Variants in C11orf65 observed in about 807,000 individuals in gnomAD.
C11orf65 encodes protein MFI.
C11orf65 carries 38 observed loss-of-function variants against 35.3 expected under a neutral mutation model. The ratio of observed to expected loss-of-function variants is 1.08; its 90% CI spans 0.83 to 1.41. The LOEUF (loss-of-function observed/expected upper bound fraction) is 1.41. Ranked by LOEUF, C11orf65 falls within the 40% of genes most tolerant of loss-of-function variation. C11orf65 has a pLI of 0.00. For missense variants in C11orf65, 370 were observed against 367.1 expected, an observed-to-expected ratio of 1.01 and a Z score of -0.06; for synonymous variants, 105 against 114.4, an observed-to-expected ratio of 0.92 and a Z score of 0.53.
chr11:108,425,194 T>C (rs2092882549), intron 3 of C11orf65, among the ~76,000 whole-genome samples: 2 of 151,926 alleles, frequency 1.3e-5, no homozygotes, highest in Non-Finnish European at 2.9e-5. Flanking sequence ...CAAAAAAACC[T>C]GCAAAAAATC....
chr11:108,423,326 C>G (rs909773137), intron 3 of C11orf65, among the ~76,000 whole-genome samples: 3 of 152,198 alleles, frequency 2.0e-5, no homozygotes, highest in Non-Finnish European at 4.4e-5. Flanking sequence ...AAGCTAAGAT[C>G]CACTGGCTTG....
chr11:108,365,619 T>C, intron 2 of C11orf65: 1 of 1,347,850 alleles, frequency 7.4e-7, no homozygotes, highest in South Asian at 1.4e-5. Context: ...AGTGAACTAT[T>C]GTGGGTTTTT....
intron 6 of C11orf65, among the ~76,000 whole-genome samples, chr11:108,397,863 G>C (rs926590152): frequency 1.3e-5 from 2 of 152,196 alleles, no homozygotes; most frequent in African/African-American, 4.8e-5. Flanking sequence ...ATAGAACAGA[G>C]TCTCTGCTCT....
chr11:108,382,760 C>A lies in C11orf65; in HGVS notation c.*261G>T. ...AATAATCAGTCTGAAGCTTCTTGCA[C>A]CTAAATGTAGTCTCTTTACTTAAGT... On this transcript the variant is annotated 3_prime_UTR_variant, in exon 9 of 9. Coordinates refer to ENST00000393084, the MANE Select transcript of C11orf65 (RefSeq NM_152587.5). The A allele has an allele frequency of 1.0e-6, 1 of 983,424 alleles. No homozygotes were observed. 60.9% of individuals were successfully genotyped at this position (983,424 alleles called of 1,614,324 possible).
intron 2 of C11orf65, among the ~76,000 whole-genome samples, chr11:108,438,734 A>G (rs2093105325): frequency 6.6e-6 from 1 of 151,960 alleles, no homozygotes; most frequent in Admixed American, 6.6e-5. Context: ...GACTGGGTGC[A>G]GTGGCTCACG....
chr11:108,368,991 A>G, intron 2 of C11orf65: 1 of 184,760 alleles, frequency 5.4e-6, no homozygotes, highest in Non-Finnish European at 1.1e-5. Flanking sequence ...TTTTAATTGC[A>G]CCTTAATGAA....
chr11:108,434,866 C>T (rs1025770928), intron 2 of C11orf65, among the ~76,000 whole-genome samples: 3 of 152,164 alleles, frequency 2.0e-5, no homozygotes, highest in Non-Finnish European at 2.9e-5. Context: ...TGGTTCACAA[C>T]AAGTGTAGCA....
chr11:108,466,660 G>A (rs1239142440), intron 1 of C11orf65, among the ~76,000 whole-genome samples: 1 of 152,176 alleles, frequency 6.6e-6, no homozygotes, highest in African/African-American at 2.4e-5. Context: ...ACACCCATGT[G>A]CCACTTGTAG....
At chr11:108,443,376 G>A (rs1327905787) in intron 2 of C11orf65, among the ~76,000 whole-genome samples, 1 of 152,078 alleles carries the variant, frequency 6.6e-6, no homozygotes, top group Non-Finnish European at 1.5e-5. Flanking sequence ...AATAATAATA[G>A]GAGACTTTAA....
rs141397516 is a variant in C11orf65 at position 108,374,091 on chromosome 11, C to G, written c.226+19117G>C. On this transcript the variant is annotated intron_variant, in intron 2 of 3. Transcript: ENST00000524755. The stretch of plus-strand genomic sequence containing the variant: ...CCTGCCTCTGTAGGCTCAGAAACCT[C>G]TGCAGACTTAAATGTCCCTGTCTGA... 7.6e-3 allele frequency among the ~76,000 whole-genome samples: 1,156 copies of G among 152,248 alleles called. 11 individuals carry two copies. The highest frequency in any genetic ancestry group is 0.025 in the African/African-American group (1,027 of 41,584).
At chr11:108,324,628 A>C (rs968045185) in intron 6 of C11orf65, among the ~76,000 whole-genome samples, 2 of 152,148 alleles carry the variant, frequency 1.3e-5, no homozygotes, top group Non-Finnish European at 2.9e-5. Context: ...CAAGCAACTA[A>C]AAGAGCTTTC....
chr11:108,332,892 C>T lies in C11orf65; in HGVS notation c.300-1325G>A, dbSNP rs4988125. On this transcript the variant is annotated intron_variant, in intron 3 of 3. Transcript: ENST00000524755. ...AACTTAGATGCCACTCAGTGGAAGA[C>T]TCAGAGAAGTATGTTTTTTTTAAAG... 2.3e-4 allele frequency: 369 copies of T among 1,612,228 alleles called. No homozygotes were observed. Among genetic ancestry groups the T allele is most frequent in the Non-Finnish European group, 3.1e-4 (361 of 1,179,650 alleles).
intron 6 of C11orf65, chr11:108,317,615 TTATATATATATATATATATATATA>T (rs376158749): frequency 1.5e-4 from 33 of 215,236 alleles, no homozygotes; most frequent in Non-Finnish European, 2.1e-4. Flanking sequence ...AGGAGTTGTT[TTATATATATATATATATATATATA>T]TATATATATA....
rs1205444700 is a variant in C11orf65, at chr11:108,317,436, A to G, written c.641-8365T>C. 1 of 1,612,804 alleles carries G rather than the reference A, an allele frequency of 6.2e-7. No homozygotes were observed. The highest frequency in any genetic ancestry group is 1.1e-5 in the South Asian group (1 of 91,064). ...CTATTTAAAAGGATTGGATTATGAA[A>G]ATAAAGACTGGTGTCCTGAACTAGA... On this transcript the variant is annotated intron_variant, in intron 6 of 6. Transcript: ENST00000525729.
At chr11:108,389,609 T>C (rs1170263832) in intron 7 of C11orf65, among the ~76,000 whole-genome samples, 2 of 152,224 alleles carry the variant, frequency 1.3e-5, no homozygotes, top group Non-Finnish European at 2.9e-5. Context: ...AAGCTAGGTA[T>C]ATCCATCCCA....
intron 6 of C11orf65, among the ~76,000 whole-genome samples, chr11:108,404,234 T>C (rs1373448689): frequency 6.6e-6 from 1 of 152,244 alleles, no homozygotes; most frequent in Non-Finnish European, 1.5e-5. Flanking sequence ...CCCTCTGTAC[T>C]GCAAGTGAAG....
At chr11:108,351,785 C>CTGTT (rs2089232539) in intron 2 of C11orf65, among the ~76,000 whole-genome samples, 1 of 152,226 alleles carries the variant, frequency 6.6e-6, no homozygotes. Flanking sequence ...TGGTTCTTCC[C>CTGTT]TGTTTCTGGG....
intron 2 of C11orf65, among the ~76,000 whole-genome samples, chr11:108,370,471 T>C (rs1354045867): frequency 6.6e-6 from 1 of 152,098 alleles, no homozygotes; most frequent in Non-Finnish European, 1.5e-5. Flanking sequence ...GTTTGCTTTT[T>C]TTTTTTCCTT....
chr11:108,314,014 C>G (rs189095681), intron 6 of C11orf65, among the ~76,000 whole-genome samples: 1 of 152,270 alleles, frequency 6.6e-6, no homozygotes, highest in African/African-American at 2.4e-5. Flanking sequence ...AATTCCAATA[C>G]AGTTTTGTGC....
Sources: gnomAD v4.1 joint callset for allele counts (sites outside exome capture counted in the v4.1 genomes callset) on GRCh38, gnomAD v4.1.1 for gene constraint, MANE v1.5 for transcripts, NCBI Gene and HGNC (gene_info 2026-07-23, HGNC 2026-07-21) for gene names.